Variants in IL1RAPL1 observed in about 807,000 individuals in gnomAD.
IL1RAPL1 encodes interleukin 1 receptor accessory protein like 1.
Under a neutral mutation model 48.4 loss-of-function variants are expected in IL1RAPL1, and 3 were observed. The ratio of observed to expected loss-of-function variants is 0.06; its 90% confidence interval spans 0.03 to 0.16. The LOEUF (loss-of-function observed/expected upper bound fraction) is 0.16. Among genes scored for constraint, IL1RAPL1 ranks in the 10% least tolerant of loss-of-function variants. IL1RAPL1 has a pLI of 1.00. For missense variants in IL1RAPL1, 349 were observed against 530.6 expected (o/e 0.66, Z 3.36); for synonymous variants, 185 against 187.7 (o/e 0.99, Z 0.12).
chrX:29,818,196 A>G (rs887584643), intron 6 of IL1RAPL1, among the ~76,000 whole-genome samples: 6 of 112,226 alleles, frequency 5.3e-5, no homozygotes, highest in African/African-American at 9.7e-5. Flanking sequence ...TTGGGAAACA[A>G]TGTCCAGGTT....
chrX:29,093,455 G>T (rs1333564897), intron 2 of IL1RAPL1, among the ~76,000 whole-genome samples: 7 of 111,304 alleles, frequency 6.3e-5, no homozygotes, highest in Admixed American at 5.7e-4. Flanking sequence ...CTCCCACCAG[G>T]CATTGGAGAT....
At chrX:28,724,937 C>G (rs912238404) in intron 1 of IL1RAPL1, among the ~76,000 whole-genome samples, 1 of 108,308 alleles carries the variant, frequency 9.2e-6, no homozygotes, top group Non-Finnish European at 1.9e-5. Context: ...ACGTCTACCT[C>G]CAACTCAATT....
intron 1 of IL1RAPL1, chrX:28,659,078 C>T (rs1934785753): frequency 3.0e-6 from 2 of 673,838 alleles, no homozygotes; most frequent in Admixed American, 2.3e-5. Flanking sequence ...ACGTTCTCCA[C>T]GTATGCAGCC....
At chrX:29,119,152 A>G (rs1283612742) in intron 2 of IL1RAPL1, among the ~76,000 whole-genome samples, 1 of 111,516 alleles carries the variant, frequency 9.0e-6, no homozygotes, top group Non-Finnish European at 1.9e-5. Context: ...ATATAGTTAC[A>G]TAAAATACAT....
At chrX:28,801,163 G>A (rs1936670888) in intron 2 of IL1RAPL1, among the ~76,000 whole-genome samples, 1 of 110,450 alleles carries the variant, frequency 9.1e-6, no homozygotes, top group Non-Finnish European at 1.9e-5. Flanking sequence ...TTACAGGCGT[G>A]AGCCACCACA....
chrX:28,830,877 C>CT (rs1308655744), intron 2 of IL1RAPL1, among the ~76,000 whole-genome samples: 1 of 109,469 alleles, frequency 9.1e-6, no homozygotes, highest in Non-Finnish European at 1.9e-5. Flanking sequence ...AGTCTGTATT[C>CT]TTTTTTAAGG....
At chrX:29,113,463 T>C (rs1333747193) in intron 2 of IL1RAPL1, among the ~76,000 whole-genome samples, 1 of 111,867 alleles carries the variant, frequency 8.9e-6, no homozygotes, top group East Asian at 2.8e-4. Context: ...TGGGAAGCTC[T>C]GAATCTACAG....
chrX:29,234,258 G>A (rs1260914986), intron 2 of IL1RAPL1, among the ~76,000 whole-genome samples: 1 of 95,869 alleles, frequency 1.0e-5, no homozygotes, highest in Non-Finnish European at 1.9e-5. Context: ...TATAAAGTAA[G>A]CCACTAAATT....
At chrX:29,303,740 AATGAATG>A (rs1932574378) in intron 3 of IL1RAPL1, among the ~76,000 whole-genome samples, 1 of 112,150 alleles carries the variant, frequency 8.9e-6, no homozygotes, top group Non-Finnish European at 1.9e-5. Flanking sequence ...GATTATTATT[AATGAATG>A]AGTAAATCTA....
intron 1 of IL1RAPL1, among the ~76,000 whole-genome samples, chrX:28,660,871 T>C (rs1419466095): frequency 1.8e-5 from 2 of 111,998 alleles, no homozygotes; most frequent in African/African-American, 3.2e-5. Context: ...AATTTAAAAA[T>C]AGTTTTGGCA....
At chrX:29,248,339 C>T (rs762617769) in intron 2 of IL1RAPL1, among the ~76,000 whole-genome samples, 1 of 111,637 alleles carries the variant, frequency 9.0e-6, no homozygotes, top group Non-Finnish European at 1.9e-5. Context: ...ATTGCTTGAA[C>T]GTGGGAGGCG....
chrX:28,790,771 TG>T lies in IL1RAPL1; in HGVS notation c.82+1349del, dbSNP rs1292615093. Among the ~76,000 whole-genome samples the T allele has an allele frequency of 8.0e-5, 9 of 112,370 alleles. 1 individual carries two copies. Among genetic ancestry groups the T allele is most frequent in the Admixed American group, 6.6e-4 (7 of 10,613 alleles). On this transcript the variant is annotated intron_variant, in intron 2 of 10. Transcript: ENST00000378993. ...GATGTTGTGGTTTATGTAATTCAAA[TG>T]GGTTAATGGGAAATAACATATATCT...
chrX:28,971,323 A>G (rs1925065481), intron 2 of IL1RAPL1, among the ~76,000 whole-genome samples: 1 of 112,515 alleles, frequency 8.9e-6, no homozygotes, highest in Non-Finnish European at 1.9e-5. Flanking sequence ...TTTTGTTTAT[A>G]GTCTTAAAAT....
intron 3 of IL1RAPL1, among the ~76,000 whole-genome samples, chrX:29,334,492 G>A (rs1255433305): frequency 2.7e-5 from 3 of 112,269 alleles, no homozygotes; most frequent in African/African-American, 9.7e-5. Flanking sequence ...GGTGGCTGCC[G>A]GGCGGAGACG....
rs1283953180 is a variant in IL1RAPL1, at chrX:29,596,781, G to C, written c.704-71649G>C. Among the ~76,000 whole-genome samples the C allele has an allele frequency of 1.7e-4, 19 of 111,827 alleles. No homozygotes were observed. The Admixed American group carries it at 1.8e-3, about 11-fold the overall frequency. On this transcript the variant is annotated intron_variant, in intron 5 of 10. Coordinates refer to ENST00000378993, the MANE Select transcript of IL1RAPL1 (RefSeq NM_014271.4). ...TCCAGTATTATGTTGAATAGAAGTGGTGAGAGTGGGTATCCTTATCGTGTT... is the reference window on the plus strand; with the variant it reads ...TCCAGTATTATGTTGAATAGAAGTGCTGAGAGTGGGTATCCTTATCGTGTT...
At chrX:29,291,648 T>C (rs1418617865) in intron 3 of IL1RAPL1, among the ~76,000 whole-genome samples, 1 of 111,232 alleles carries the variant, frequency 9.0e-6, no homozygotes, top group Non-Finnish European at 1.9e-5. Flanking sequence ...TAATTAGGGC[T>C]CAGTTCTGGT....
intron 3 of IL1RAPL1, among the ~76,000 whole-genome samples, chrX:29,294,342 C>G (rs1294637175): frequency 1.8e-5 from 2 of 109,062 alleles, no homozygotes; most frequent in Non-Finnish European, 3.8e-5. Context: ...TCCTGGCTAA[C>G]ACGGTGAAAC....
At chrX:29,861,892 A>G (rs965134297) in intron 6 of IL1RAPL1, among the ~76,000 whole-genome samples, 8 of 111,054 alleles carry the variant, frequency 7.2e-5, no homozygotes, top group African/African-American at 2.6e-4. Flanking sequence ...AAACACACTC[A>G]CTGAAACACA....
chrX:29,451,538 T>C (rs1278256152), intron 5 of IL1RAPL1, among the ~76,000 whole-genome samples: 1 of 111,732 alleles, frequency 8.9e-6, no homozygotes, highest in Non-Finnish European at 1.9e-5. Flanking sequence ...AATTTTACAG[T>C]AACCTGGGAT....
Sources: allele counts gnomAD v4.1 joint callset (sites outside exome capture counted in the v4.1 genomes callset), GRCh38; gene constraint gnomAD v4.1.1; transcripts MANE v1.5; gene names NCBI Gene and HGNC (gene_info 2026-07-23, HGNC 2026-07-21).